The following EDIL3 variants were observed in gnomAD, a reference collection of about 807,000 sequenced individuals.
EDIL3 encodes EGF like and discoidin domains 3, also known as EGF-like repeat and discoidin I-like domain-containing protein 3.
A neutral mutation model predicts 67.4 loss-of-function variants in EDIL3; 37 were observed. The observed-to-expected ratio is 0.55, with a 90% CI of 0.42 to 0.72. The LOEUF (loss-of-function observed/expected upper bound fraction) is 0.72. EDIL3 is among the 30% of genes least tolerant of loss of function. The pLI is 0.00. For missense variants in EDIL3, 527 were observed against 586.3 expected (o/e 0.90, Z 1.04); for synonymous variants, 195 against 196.3 (o/e 0.99, Z 0.05).
At chr5:83,969,944 G>T (rs1744762004) in intron 9 of EDIL3, among the ~76,000 whole-genome samples, 1 of 151,440 alleles carries the variant, frequency 6.6e-6, no homozygotes, top group African/African-American at 2.4e-5. Context: ...ATATATTACA[G>T]TCAACTATAG....
chr5:84,037,580 T>A (rs567010965), intron 9 of EDIL3, among the ~76,000 whole-genome samples: 1 of 152,324 alleles, frequency 6.6e-6, no homozygotes, highest in South Asian at 2.1e-4. Flanking sequence ...AGTATATTTT[T>A]TAAAAAAACA....
intron 2 of EDIL3, among the ~76,000 whole-genome samples, chr5:84,240,705 A>T (rs2112057550): frequency 6.6e-6 from 1 of 152,294 alleles, no homozygotes; most frequent in Non-Finnish European, 1.5e-5. Context: ...GTCTTCCACG[A>T]AACTGGTTCC....
At chr5:84,106,872 A>G in intron 5 of EDIL3, 42 bp from the exon 6 acceptor site, 1 of 1,557,064 alleles carries the variant, frequency 6.4e-7, no homozygotes, top group African/African-American at 1.4e-5. Context: ...TATTAGAAAC[A>G]ATGCATATAC....
intron 4 of EDIL3, among the ~76,000 whole-genome samples, chr5:84,163,842 CA>C (rs1389919767): frequency 1.3e-5 from 2 of 152,060 alleles, no homozygotes; most frequent in African/African-American, 4.8e-5. Context: ...CCATTTTCAT[CA>C]AAATACTATC....
chr5:83,957,805 A>T (rs1238284185), intron 10 of EDIL3, among the ~76,000 whole-genome samples: 1 of 151,610 alleles, frequency 6.6e-6, no homozygotes, highest in Non-Finnish European at 1.5e-5. Flanking sequence ...TTAAATCAAA[A>T]TTTTTCCACC....
intron 3 of EDIL3, among the ~76,000 whole-genome samples, chr5:84,216,860 T>C (rs1271355888): frequency 6.6e-6 from 1 of 152,204 alleles, no homozygotes; most frequent in Non-Finnish European, 1.5e-5. Flanking sequence ...TTGAGTGCGA[T>C]CTTTACAGCA....
intron 9 of EDIL3, among the ~76,000 whole-genome samples, chr5:84,023,278 A>G (rs1299946795): frequency 6.6e-6 from 1 of 151,916 alleles, no homozygotes; most frequent in Non-Finnish European, 1.5e-5. Flanking sequence ...CAAAAAGCAA[A>G]CAAAAAAGAG....
chr5:84,058,320 G>A (rs1167986588), intron 9 of EDIL3, among the ~76,000 whole-genome samples: 1 of 151,700 alleles, frequency 6.6e-6, no homozygotes, highest in East Asian at 1.9e-4. Context: ...AAACAGGAGA[G>A]TAAGAGAATC....
intron 9 of EDIL3, among the ~76,000 whole-genome samples, chr5:84,014,937 T>C (rs1235027750): frequency 6.6e-6 from 1 of 152,208 alleles, no homozygotes; most frequent in Non-Finnish European, 1.5e-5. Flanking sequence ...ATAATCATAT[T>C]AGCACATAGA....
At chr5:84,294,112 G>C (rs186451077) in intron 1 of EDIL3, among the ~76,000 whole-genome samples, 7 of 151,694 alleles carry the variant, frequency 4.6e-5, no homozygotes, top group South Asian at 4.2e-4. Flanking sequence ...GGCCGGGTGC[G>C]GTGGCTCACG....
chr5:84,091,652 A>G (rs76223967), intron 6 of EDIL3, among the ~76,000 whole-genome samples: 6 of 152,332 alleles, frequency 3.9e-5, no homozygotes, highest in South Asian at 2.1e-4. Flanking sequence ...CTTCAGCCCT[A>G]TGCAAATAGT....
chr5:84,356,751 T>C (rs572562458), intron 1 of EDIL3, among the ~76,000 whole-genome samples: 6 of 152,282 alleles, frequency 3.9e-5, no homozygotes, highest in Admixed American at 3.9e-4. Context: ...TGCAGTGCTC[T>C]TATTTCTTCT....
intron 4 of EDIL3, among the ~76,000 whole-genome samples, chr5:84,139,128 T>G (rs983993805): frequency 6.6e-6 from 1 of 152,002 alleles, no homozygotes; most frequent in Non-Finnish European, 1.5e-5. Flanking sequence ...TCCCAGCTAC[T>G]CAGGAGACTG....
chr5:84,075,282 T>C (rs1170187120), intron 6 of EDIL3, among the ~76,000 whole-genome samples: 1 of 151,990 alleles, frequency 6.6e-6, no homozygotes, highest in African/African-American at 2.4e-5. Flanking sequence ...CACACCAGCA[T>C]GGCACATGTA....
At chr5:84,042,835 A>G (rs1449959912) in intron 9 of EDIL3, among the ~76,000 whole-genome samples, 1 of 152,208 alleles carries the variant, frequency 6.6e-6, no homozygotes, top group Non-Finnish European at 1.5e-5. Context: ...CAAAATGTCT[A>G]CTGCTTATGT....
intron 4 of EDIL3, among the ~76,000 whole-genome samples, chr5:84,173,364 G>A (rs529028739): frequency 1.6e-4 from 24 of 152,206 alleles, no homozygotes; most frequent in African/African-American, 5.3e-4. Context: ...GTTGCAGGAC[G>A]AGCTGTGACT....
At chr5:83,982,718 G>C (rs966371875) in intron 9 of EDIL3, among the ~76,000 whole-genome samples, 1 of 152,130 alleles carries the variant, frequency 6.6e-6, no homozygotes, top group East Asian at 1.9e-4. Context: ...GTATTCACAT[G>C]ATTTATCTAC....
intron 6 of EDIL3, among the ~76,000 whole-genome samples, chr5:84,099,837 A>G (rs1465459793): frequency 6.6e-6 from 1 of 152,118 alleles, no homozygotes; most frequent in Admixed American, 6.5e-5. Context: ...TCCATCTCAC[A>G]AAGGGCTAAT....
chr5:84,176,219 AT>A lies in EDIL3; in HGVS notation c.355+4173del, dbSNP rs1561453856. On this transcript the variant is annotated intron_variant, in intron 4 of 10. Coordinates refer to ENST00000296591, the MANE Select transcript of EDIL3 (RefSeq NM_005711.5). The stretch of plus-strand genomic sequence containing the variant: ...ATATAATATATATATATATATATAT[AT>A]ATATATAATATATTGTATGTATAAT... 1.6e-4 allele frequency among the ~76,000 whole-genome samples: 20 copies of A among 128,438 alleles called. 1 individual carries two copies. Among genetic ancestry groups the A allele is most frequent in the African/African-American group, 5.4e-4 (18 of 33,288 alleles). 84.3% of individuals were successfully genotyped at this position (128,438 alleles called of 152,430 possible).
Sources: allele counts gnomAD v4.1 joint callset (sites outside exome capture counted in the v4.1 genomes callset), GRCh38; gene constraint gnomAD v4.1.1; transcripts MANE v1.5; gene names NCBI Gene and HGNC (gene_info 2026-07-23, HGNC 2026-07-21).